The following DSCAML1 variants were observed in gnomAD, a reference collection of about 807,000 sequenced individuals.
DSCAML1 encodes the protein cell adhesion molecule DSCAML1.
DSCAML1 carries 38 observed loss-of-function variants against 200.5 expected under a neutral mutation model. The observed-to-expected ratio is 0.19, with a 90% CI of 0.15 to 0.25. DSCAML1 has a LOEUF of 0.25. DSCAML1 is among the 10% of genes least tolerant of loss of function. DSCAML1 has a pLI of 1.00. For missense variants in DSCAML1, 2,223 were observed against 2,858.8 expected, an observed-to-expected ratio of 0.78 and a Z score of 5.07; for synonymous variants, 1,215 against 1,165.0, an observed-to-expected ratio of 1.04 and a Z score of -0.87.
chr11:117,456,795 C>T (rs1395679552), intron 19 of DSCAML1, among the ~76,000 whole-genome samples: 2 of 152,032 alleles, frequency 1.3e-5, no homozygotes, highest in South Asian at 2.1e-4. Context: ...GTGTTTCAGC[C>T]TCCTGAGTAG....
intron 3 of DSCAML1, among the ~76,000 whole-genome samples, chr11:117,686,018 G>A (rs2053396299): frequency 6.6e-6 from 1 of 152,154 alleles, no homozygotes; most frequent in Admixed American, 6.5e-5. Context: ...CTGTGCCACT[G>A]GACCCAAAGC....
intron 3 of DSCAML1, among the ~76,000 whole-genome samples, chr11:117,721,553 G>A (rs2054041351): frequency 1.3e-5 from 2 of 151,656 alleles, no homozygotes. Context: ...TTTCTGACTT[G>A]AGTATCTAAA....
chr11:117,627,345 G>C (rs1053525285), intron 3 of DSCAML1, among the ~76,000 whole-genome samples: 1 of 152,128 alleles, frequency 6.6e-6, no homozygotes, highest in Non-Finnish European at 1.5e-5. Context: ...ACCACCATCT[G>C]AGGTGGGTTT....
chr11:117,609,035 CAA>C (rs58446545), intron 3 of DSCAML1, among the ~76,000 whole-genome samples: 35 of 110,954 alleles, frequency 3.2e-4, no homozygotes, highest in African/African-American at 1.2e-3. Flanking sequence ...AACAAACAAA[CAA>C]AAAAAACAAA....
intron 3 of DSCAML1, among the ~76,000 whole-genome samples, chr11:117,615,249 TAAAAG>T (rs765717695): frequency 1.5e-3 from 234 of 152,184 alleles, no homozygotes; most frequent in Non-Finnish European, 2.9e-3. Context: ...ATGTTGAAAA[TAAAAG>T]AAAACACTCT....
At position 117,466,017 on chromosome 11, in the gene DSCAML1, C is replaced by T. The variant is rs548226703; in HGVS notation, c.3025-835G>A. 1.6e-4 allele frequency among the ~76,000 whole-genome samples: 25 copies of T among 152,262 alleles called. No individual in the cohort carries two copies. The South Asian group carries it at 2.1e-3, about 13-fold the overall frequency. On this transcript the variant is annotated intron_variant, in intron 16 of 32. Coordinates refer to ENST00000651296, the MANE Select transcript of DSCAML1 (RefSeq NM_020693.4). Reference sequence around the variant, plus strand: ...GTGGGAATGGAAAGAGGCACCGCTACCATGGAAAAGAGTTTGGCAGTTCCT... The same window carrying T: ...GTGGGAATGGAAAGAGGCACCGCTATCATGGAAAAGAGTTTGGCAGTTCCT...
intron 3 of DSCAML1, among the ~76,000 whole-genome samples, chr11:117,776,093 C>T (rs1282242289): frequency 1.3e-5 from 2 of 152,120 alleles, no homozygotes; most frequent in Non-Finnish European, 2.9e-5. Context: ...TTTAAAGACC[C>T]AAGGTCCTCT....
intron 3 of DSCAML1, among the ~76,000 whole-genome samples, chr11:117,606,237 C>T (rs1246402776): frequency 6.6e-6 from 1 of 152,078 alleles, no homozygotes; most frequent in Non-Finnish European, 1.5e-5. Flanking sequence ...ATATTTTCCC[C>T]CTGAGGACCA....
intron 4 of DSCAML1, among the ~76,000 whole-genome samples, chr11:117,530,509 C>A (rs2050057719): frequency 1.3e-5 from 2 of 152,208 alleles, no homozygotes; most frequent in South Asian, 4.1e-4. Context: ...GCAGCCCCGT[C>A]CCCTACTCTT....
intron 3 of DSCAML1, among the ~76,000 whole-genome samples, chr11:117,749,405 T>C (rs1352048987): frequency 3.3e-5 from 5 of 152,182 alleles, no homozygotes; most frequent in African/African-American, 9.7e-5. Context: ...CCAACGCTAT[T>C]GACACAGAAG....
chr11:117,732,947 A>G (rs879652636), intron 3 of DSCAML1, among the ~76,000 whole-genome samples: 4 of 152,088 alleles, frequency 2.6e-5, no homozygotes, highest in Non-Finnish European at 5.9e-5. Flanking sequence ...GCACTGCCCT[A>G]TGTTTTCTTC....
intron 3 of DSCAML1, among the ~76,000 whole-genome samples, chr11:117,644,481 C>T (rs1406228458): frequency 6.6e-6 from 1 of 152,264 alleles, no homozygotes; most frequent in African/African-American, 2.4e-5. Context: ...CAAGCACGCC[C>T]TCCACACTGC....
chr11:117,458,890 G>C lies in DSCAML1; in HGVS notation c.3432C>G (p.Asn1144Lys). 6.2e-7 allele frequency: 1 copy of C among 1,613,846 alleles called. No homozygotes were observed. Among genetic ancestry groups the C allele is most frequent in the Non-Finnish European group, 8.5e-7 (1 of 1,179,986 alleles). ...CCACCCGCTCCCGCGTGGTGGTGAT[G>C]TTCTGCATCTCGCCCCACTCTGCCA... The part of the protein sequence containing the change: ...YVDGEWGEMQ[N>K]ITTTRERVEL... The change falls in exon 19 of 33, where the codon AAC (asparagine) becomes AAG (lysine). Residue 1144 changes from asparagine (N) to lysine (K), a missense_variant. By Grantham distance (94) the Asn-to-Lys change is moderately conservative. Transcript: ENST00000651296.
chr11:117,508,324 G>A (rs978795458), intron 8 of DSCAML1, among the ~76,000 whole-genome samples: 4 of 152,064 alleles, frequency 2.6e-5, no homozygotes, highest in African/African-American at 9.7e-5. Context: ...TGGCTGTCGG[G>A]GTAACTGCAT....
At chr11:117,592,337 C>T (rs954926015) in intron 3 of DSCAML1, among the ~76,000 whole-genome samples, 1 of 152,176 alleles carries the variant, frequency 6.6e-6, no homozygotes, top group African/African-American at 2.4e-5. Flanking sequence ...CAGTCTGCCT[C>T]CCATTGAGCT....
At chr11:117,519,943 G>C (rs1470903796) in intron 6 of DSCAML1, among the ~76,000 whole-genome samples, 1 of 152,258 alleles carries the variant, frequency 6.6e-6, no homozygotes, top group Non-Finnish European at 1.5e-5. Flanking sequence ...AGGCTGTGAC[G>C]AGGACACCTG....
chr11:117,717,823 C>T (rs1390142107), intron 3 of DSCAML1, among the ~76,000 whole-genome samples: 1 of 152,166 alleles, frequency 6.6e-6, no homozygotes, highest in East Asian at 1.9e-4. Context: ...GAAATGCCCC[C>T]TAGCAACTGG....
Position 117,431,587 on chromosome 11 carries a change from C to G in DSCAML1, c.5321G>C (p.Gly1774Ala). ...GCTGTCACTCTCAGTGACCGTGACACCATGCTGGGAGCCCACGGTGCGCCA... is the reference window on the plus strand; with the variant it reads ...GCTGTCACTCTCAGTGACCGTGACAGCATGCTGGGAGCCCACGGTGCGCCA... ...SDWRTVGSQH[G>A]VTVTESDSYS... Residue 1774 changes from glycine to alanine, a missense_variant, in exon 31 of 33, where the codon GGT (glycine) becomes GCT (alanine). Gly to Ala is a moderately conservative substitution (Grantham distance 60, BLOSUM62 0). Coordinates refer to ENST00000651296, the MANE Select transcript of DSCAML1 (RefSeq NM_020693.4). 2 of 1,611,010 alleles carry G rather than the reference C, an allele frequency of 1.2e-6. No individual in the cohort carries two copies. The highest frequency in any genetic ancestry group is 8.5e-7 in the Non-Finnish European group (1 of 1,178,332).
rs56765238 is a variant in DSCAML1 at position 117,515,610 on chromosome 11, C to CTTTTTTTTTTTTTTTTTTTTTTT, written c.1783+834_1783+856dup. Among the ~76,000 whole-genome samples, 3 of 65,122 alleles carry CTTTTTTTTTTTTTTTTTTTTTTT rather than the reference C, an allele frequency of 4.6e-5. 1 individual carries two copies. Among genetic ancestry groups the CTTTTTTTTTTTTTTTTTTTTTTT allele is most frequent in the African/African-American group, 8.4e-5 (1 of 11,910 alleles). The allele number at this position is 65,122 out of a possible 152,430, so 42.7% of individuals were successfully genotyped here. On this transcript the variant is annotated intron_variant, in intron 8 of 32. Transcript: ENST00000651296. The stretch of plus-strand genomic sequence containing the variant: ...TGTCAAGGGCCCAGGAGGGACGAAG[C>CTTTTTTTTTTTTTTTTTTTTTTT]TTTTTTTTTTTTTTTTTTTTTTTTT...
Sources: gnomAD v4.1 joint callset for allele counts (sites outside exome capture counted in the v4.1 genomes callset) on GRCh38, gnomAD v4.1.1 for gene constraint, MANE v1.5 for transcripts, NCBI Gene and HGNC (gene_info 2026-07-23, HGNC 2026-07-21) for gene names.